KANK2: variants seen among roughly 807,000 people sequenced by gnomAD.
KANK2 encodes KN motif and ankyrin repeat domains 2, also known as KN motif and ankyrin repeat domain-containing protein 2.
A neutral mutation model predicts 74.6 loss-of-function variants in KANK2; 41 were observed. That is an observed-to-expected ratio of 0.55 (90% confidence interval 0.43 to 0.71). The LOEUF is 0.71. KANK2 is among the 30% of genes least tolerant of loss of function. The pLI is 0.00. For missense variants in KANK2, 1,148 were observed against 1,196.4 expected (o/e 0.96, Z 0.60); for synonymous variants, 537 against 519.0 (o/e 1.03, Z -0.47).
intron 12 of KANK2, among the ~76,000 whole-genome samples, chr19:11,168,556 C>A (rs1244918664): frequency 6.6e-6 from 1 of 152,068 alleles, no homozygotes; most frequent in Admixed American, 6.6e-5. Flanking sequence ...GGATTACAGA[C>A]GTGAGCCACC....
At chr19:11,197,596 C>T (rs895243470), upstream of KANK2, 3 of 151,596 alleles carry the variant, frequency 2.0e-5, no homozygotes, top group African/African-American at 7.3e-5. Flanking sequence ...ACCACGCCCC[C>T]TCCGGCTGGT....
intron 12 of KANK2, chr19:11,169,669 T>G (rs1338416203): frequency 1.7e-6 from 1 of 595,358 alleles, no homozygotes; most frequent in African/African-American, 1.9e-5. Flanking sequence ...GGTGTGGTGG[T>G]GCACACCTGT....
At chr19:11,179,597 C>T (rs976026092) in intron 4 of KANK2, among the ~76,000 whole-genome samples, 1 of 151,632 alleles carries the variant, frequency 6.6e-6, no homozygotes, top group Non-Finnish European at 1.5e-5. Context: ...GAGATCACAC[C>T]ACTGCACTCC....
At chr19:11,173,524 G>A (rs2078238664) in intron 9 of KANK2, among the ~76,000 whole-genome samples, 1 of 152,132 alleles carries the variant, frequency 6.6e-6, no homozygotes, top group African/African-American at 2.4e-5. Context: ...ACTAACTGAG[G>A]ACCACGTCTT....
At chr19:11,183,569 GCTTCGAA>G (rs2078589955) in intron 4 of KANK2, among the ~76,000 whole-genome samples, 1 of 152,122 alleles carries the variant, frequency 6.6e-6, no homozygotes, top group South Asian at 2.1e-4. Flanking sequence ...GCTCATTCCA[GCTTCGAA>G]CTCCTCGGCT....
At chr19:11,195,014 A>T (rs1239429535) in intron 2 of KANK2, 3 of 158,958 alleles carry the variant, frequency 1.9e-5, no homozygotes, top group African/African-American at 7.2e-5. Flanking sequence ...TCCTGCAAGG[A>T]TCTGAGGAGA....
intron 10 of KANK2, among the ~76,000 whole-genome samples, chr19:11,171,699 G>C (rs898722358): frequency 6.7e-6 from 1 of 149,218 alleles, no homozygotes; most frequent in Non-Finnish European, 1.5e-5. Flanking sequence ...TTTTTTTTGA[G>C]ATGGAGTCTC....
At chr19:11,175,584 C>A (rs1470534152) in intron 8 of KANK2, among the ~76,000 whole-genome samples, 1 of 152,046 alleles carries the variant, frequency 6.6e-6, no homozygotes, top group African/African-American at 2.4e-5. Flanking sequence ...CTGCGCCCAG[C>A]CCTGGTTATA....
In KANK2 at chr19:11,194,498, A is replaced by G; in HGVS notation, c.14T>C (p.Leu5Pro). MAQV[L>P]HVPAPFPGTP... ...ACCTGGGAAGGGAGCAGGCACGTGC[A>G]GGACCTGGGCCATCTTCTTTTCTAC... The change falls in exon 3 of 13, where the codon CTG becomes CCG. Residue 5 changes from leucine (L) to proline (P), a missense_variant. Leu to Pro is a moderately conservative substitution (Grantham distance 98). Coordinates refer to ENST00000586659, the MANE Select transcript of KANK2 (RefSeq NM_001136191.3). The G allele has an allele frequency of 6.2e-7, 1 of 1,612,860 alleles. No homozygotes were observed. Among genetic ancestry groups the G allele is most frequent in the Non-Finnish European group, 8.5e-7 (1 of 1,179,528 alleles).
At chr19:11,173,852 T>C (rs2078249901) in intron 9 of KANK2, among the ~76,000 whole-genome samples, 1 of 152,008 alleles carries the variant, frequency 6.6e-6, no homozygotes, top group South Asian at 2.1e-4. Context: ...GAGGGTGGTG[T>C]CTCTGCCATT....
intron 4 of KANK2, among the ~76,000 whole-genome samples, chr19:11,181,586 T>C (rs1251859236): frequency 6.6e-6 from 1 of 151,796 alleles, no homozygotes; most frequent in East Asian, 1.9e-4. Context: ...AATAGAATGG[T>C]GGGTGCCAGG....
chr19:11,193,784 G>A lies in KANK2; in HGVS notation c.296C>T (p.Ala99Val). Residue 99 changes from alanine to valine, a missense_variant, in exon 4 of 13, where the codon GCC (alanine) becomes GTC (valine). Transcript: ENST00000586659. This position sits in a 1 kb window ranked among gnomAD's most constrained non-coding sequence, Gnocchi z 9.6. ...GAAGCCACGGCCGCAGTAGGAATAG[G>A]CTGAGTGGCGGCTGTCCCCACTGGC... ...SNASGDSRHS[A>V]YSYCGRGFYP... is the part of the protein sequence containing the mutation. The A allele has an allele frequency of 1.2e-6, 2 of 1,612,822 alleles. No individual in the cohort carries two copies. The highest frequency in any genetic ancestry group is 1.7e-6 in the Non-Finnish European group (2 of 1,179,722).
chr19:11,175,756 G>C, intron 8 of KANK2, 146 bp downstream of exon 8: 1 of 551,762 alleles, frequency 1.8e-6, no homozygotes, highest in African/African-American at 1.9e-5. Flanking sequence ...CATGACTTGA[G>C]CACCACCACC....
At chr19:11,196,097 C>T (rs9676623) in intron 1 of KANK2, 1,847 of 147,264 alleles carry the variant, frequency 0.013, 28 homozygotes, top group African/African-American at 0.042. Flanking sequence ...TTGCTCTTGT[C>T]GCCCAGGCTG....
chr19:11,173,062 C>T lies in KANK2; in HGVS notation c.2130G>A (p.Leu710=). 6.2e-7 allele frequency: 1 copy of T among 1,614,088 alleles called. No individual in the cohort carries two copies. The highest frequency in any genetic ancestry group is 8.5e-7 in the Non-Finnish European group (1 of 1,179,986). The change falls in exon 10 of 13, where the codon CTG becomes CTA. Residue 710 remains leucine (L), a synonymous_variant. Coordinates refer to ENST00000586659, the MANE Select transcript of KANK2 (RefSeq NM_001136191.3). The part of the protein sequence containing the change: ...AGYSPIMLTA[L]ATLKTQDDIE... Reference sequence around the variant, plus strand: ...TGTCGTCCTGGGTCTTCAGGGTGGCCAGGGCGGTGAGCATAATAGGGCTGT... The same window carrying T: ...TGTCGTCCTGGGTCTTCAGGGTGGCTAGGGCGGTGAGCATAATAGGGCTGT...
Position 11,173,058 on chromosome 19 carries a change from TG to T in KANK2, c.2133del (p.Thr712ProfsTer2). 6.2e-7 allele frequency: 1 copy of T among 1,614,074 alleles called. No individual in the cohort carries two copies. Among genetic ancestry groups the T allele is most frequent in the Non-Finnish European group, 8.5e-7 (1 of 1,179,982 alleles). ...GYSPIMLTAL[A>X]TLKTQDDIET... ...TCGATGTCGTCCTGGGTCTTCAGGG[TG>T]GCCAGGGCGGTGAGCATAATAGGGC... On this transcript the variant is annotated frameshift_variant, in exon 10 of 13. Transcript: ENST00000586659. LOFTEE classifies it high-confidence loss of function.
In KANK2 at chr19:11,173,101, C is replaced by T; in HGVS notation, c.2091G>A (p.Gln697=). ...LDSGVCKVDK[Q]NRAGYSPIML... ...TAATAGGGCTGTAGCCAGCACGGTT[C>T]TGTTTGTCCACCTTGCAGACACCTA... Residue 697 remains glutamine, a synonymous_variant, in exon 10 of 13, where the codon CAG becomes CAA. Coordinates refer to ENST00000586659, the MANE Select transcript of KANK2 (RefSeq NM_001136191.3). 3.7e-6 allele frequency: 6 copies of T among 1,613,804 alleles called. No individual in the cohort carries two copies. Among genetic ancestry groups the T allele is most frequent in the Non-Finnish European group, 5.1e-6 (6 of 1,179,842 alleles).
chr19:11,169,246 G>A (rs111807392), intron 12 of KANK2, among the ~76,000 whole-genome samples: 17,310 of 152,050 alleles, frequency 0.11, 1,516 homozygotes, highest in African/African-American at 0.24. Context: ...ACTGAGGCAG[G>A]AGAATTGCTC....
intron 4 of KANK2, chr19:11,192,429 T>G: frequency 4.2e-6 from 1 of 238,118 alleles, no homozygotes; most frequent in Non-Finnish European, 7.8e-6. Context: ...GACCTTGGCA[T>G]TCTTTTTTTT....
Sources: allele counts gnomAD v4.1 joint callset (sites outside exome capture counted in the v4.1 genomes callset), GRCh38; gene constraint gnomAD v4.1.1; non-coding constraint Gnocchi (gnomAD v3.1); transcripts MANE v1.5; gene names NCBI Gene and HGNC (gene_info 2026-07-23, HGNC 2026-07-21).